The following ARGLU1 variants were observed in gnomAD, a reference collection of about 807,000 sequenced individuals.
The protein encoded by ARGLU1 is arginine and glutamate-rich protein 1.
Under a neutral mutation model 37.6 loss-of-function variants are expected in ARGLU1, and 9 were observed. The ratio of observed to expected loss-of-function variants is 0.24; its 90% CI spans 0.14 to 0.42. The LOEUF is 0.42. ARGLU1 is among the 10% of genes least tolerant of loss of function. The pLI is 1.00. For synonymous variants in ARGLU1, 166 were observed against 138.5 expected, an observed-to-expected ratio of 1.20 and a Z score of -1.39; for missense variants, 211 against 359.2, an observed-to-expected ratio of 0.59 and a Z score of 3.34.
chr13:106,551,006 A>C (rs946920489), intron 3 of ARGLU1, among the ~76,000 whole-genome samples: 9 of 152,306 alleles, frequency 5.9e-5, no homozygotes, highest in African/African-American at 1.7e-4. Context: ...CGTTCTCCAT[A>C]GATATTTCCT....
chr13:106,545,541 ACTT>A (rs2138962598), intron 3 of ARGLU1, among the ~76,000 whole-genome samples: 1 of 152,272 alleles, frequency 6.6e-6, no homozygotes, highest in African/African-American at 2.4e-5. Flanking sequence ...CACACTAATT[ACTT>A]CTTTTGTCTC....
intron 3 of ARGLU1, among the ~76,000 whole-genome samples, chr13:106,552,974 G>A (rs1396314432): frequency 6.6e-6 from 1 of 152,178 alleles, no homozygotes; most frequent in Non-Finnish European, 1.5e-5. Context: ...ACATATGGAT[G>A]AGCTCGTGTG....
Position 106,567,988 on chromosome 13 carries a change from T to C in ARGLU1, c.-69A>G. The C allele has an allele frequency of 6.6e-7, 1 of 1,517,416 alleles. No individual in the cohort carries two copies. 94.0% of individuals were successfully genotyped at this position (1,517,416 alleles called of 1,614,324 possible). On this transcript the variant is annotated 5_prime_UTR_variant, in exon 1 of 4. Coordinates refer to ENST00000400198, the MANE Select transcript of ARGLU1 (RefSeq NM_018011.4). This position sits in a 1 kb window ranked among gnomAD's most constrained non-coding sequence, Gnocchi z 4.3. ...CGGCCAGTTCCCCTCGCCTCCGCCT[T>C]CGGACGCGGGCTGGCGGTTCTACCG...
At chr13:106,562,950 C>G (rs946605295) in intron 1 of ARGLU1, among the ~76,000 whole-genome samples, 2 of 141,768 alleles carry the variant, frequency 1.4e-5, no homozygotes, top group East Asian at 2.1e-4. Context: ...GCCACTGCAC[C>G]ACTGCACTCC....
At chr13:106,561,281 ATGT>A (rs1313511532) in intron 1 of ARGLU1, among the ~76,000 whole-genome samples, 1 of 152,196 alleles carries the variant, frequency 6.6e-6, no homozygotes, top group Non-Finnish European at 1.5e-5. Context: ...TCCATATAAA[ATGT>A]TGTTTCTCTA....
intron 2 of ARGLU1, chr13:106,558,760 AG>A: frequency 1.0e-6 from 1 of 985,380 alleles, no homozygotes. Context: ...AACTCTCTAG[AG>A]AAAAAAAGGA....
chr13:106,563,660 G>GAATA (rs1378844996), intron 1 of ARGLU1, among the ~76,000 whole-genome samples: 1 of 152,064 alleles, frequency 6.6e-6, no homozygotes, highest in Non-Finnish European at 1.5e-5. Context: ...ATAAATAAAT[G>GAATA]AATACATATT....
In ARGLU1 at chr13:106,567,914, G is replaced by T. The variant is rs752370349; in HGVS notation, c.6C>A (p.Gly2=). The T allele has an allele frequency of 6.2e-7, 1 of 1,607,198 alleles. No individual in the cohort carries two copies. ...GGGACGAGCTCCGGCTCCGAGACCGGCCCATCCTTCCGGGAGACGCTCTAA... is the reference window on the plus strand; with the variant it reads ...GGGACGAGCTCCGGCTCCGAGACCGTCCCATCCTTCCGGGAGACGCTCTAA... The part of the protein sequence containing the change: M[G]RSRSRSSSRS... The change falls in exon 1 of 4, where the codon GGC becomes GGA. Residue 2 remains glycine, a synonymous_variant. Transcript: ENST00000400198. This position sits in a 1 kb window ranked among gnomAD's most constrained non-coding sequence, Gnocchi z 4.3.
chr13:106,557,166 C>T lies in ARGLU1; in HGVS notation c.574-35G>A, dbSNP rs1415268669. ...AGGATATGTTAAGATATTAGAAAAACAAAATGTTTATTTTTATTGATAAAT... is the reference window on the plus strand; with the variant it reads ...AGGATATGTTAAGATATTAGAAAAATAAAATGTTTATTTTTATTGATAAAT... On this transcript the variant is annotated intron_variant, in intron 2 of 3. Coordinates refer to ENST00000400198, the MANE Select transcript of ARGLU1 (RefSeq NM_018011.4). This position sits in a 1 kb window ranked among gnomAD's most constrained non-coding sequence, Gnocchi z 5.0. 6.5e-7 allele frequency: 1 copy of T among 1,527,712 alleles called. No homozygotes were observed. The highest frequency in any genetic ancestry group is 9.0e-7 in the Non-Finnish European group (1 of 1,105,266). 94.6% of individuals were successfully genotyped at this position (1,527,712 alleles called of 1,614,324 possible).
intron 3 of ARGLU1, among the ~76,000 whole-genome samples, chr13:106,552,408 A>T (rs926350971): frequency 2.6e-5 from 4 of 151,536 alleles, no homozygotes; most frequent in African/African-American, 9.7e-5. Context: ...AGAAATTATC[A>T]ATCTATCAAT....
chr13:106,553,465 T>C (rs1380918735), intron 3 of ARGLU1, among the ~76,000 whole-genome samples: 1 of 152,210 alleles, frequency 6.6e-6, no homozygotes, highest in Non-Finnish European at 1.5e-5. Flanking sequence ...GATAAATTCT[T>C]AGACACAGAA....
chr13:106,560,068 T>C (rs111491078), intron 1 of ARGLU1, among the ~76,000 whole-genome samples: 148 of 152,328 alleles, frequency 9.7e-4, no homozygotes, highest in Admixed American at 2.0e-3. Flanking sequence ...AGAAATTATG[T>C]AGCAGGCAAC....
Position 106,543,772 on chromosome 13 carries a change from C to T in ARGLU1, c.*224G>A, listed in dbSNP as rs1455469477. On this transcript the variant is annotated 3_prime_UTR_variant, in exon 4 of 4. Coordinates refer to ENST00000400198, the MANE Select transcript of ARGLU1 (RefSeq NM_018011.4). ...ATAGAATCCAAACAGGTGAAAAATA[C>T]GTCACTCCTTAGAATACAACAATGA... The T allele has an allele frequency of 4.3e-5, 18 of 414,932 alleles. No individual in the cohort carries two copies. Among genetic ancestry groups the T allele is most frequent in the Non-Finnish European group, 5.4e-5 (13 of 242,442 alleles). 25.7% of individuals were successfully genotyped at this position (414,932 alleles called of 1,614,324 possible).
intron 1 of ARGLU1, among the ~76,000 whole-genome samples, chr13:106,560,018 T>C (rs913122906): frequency 6.6e-6 from 1 of 152,210 alleles, no homozygotes; most frequent in Non-Finnish European, 1.5e-5. Flanking sequence ...GATTTGCTCA[T>C]TTGCCAATCA....
At chr13:106,553,405 TGA>T (rs1245858679) in intron 3 of ARGLU1, among the ~76,000 whole-genome samples, 2 of 152,236 alleles carry the variant, frequency 1.3e-5, no homozygotes, top group African/African-American at 4.8e-5. Context: ...TTAAATAATT[TGA>T]GAGTATCTTT....
rs1031187283 is a variant in ARGLU1 at position 106,557,236 on chromosome 13, T to C, written c.574-105A>G. ...AACTTTTTTGATATGACTTACAGGGTAGCTTTATAGCTACCTTCTGTCTGA... is the reference window on the plus strand; with the variant it reads ...AACTTTTTTGATATGACTTACAGGGCAGCTTTATAGCTACCTTCTGTCTGA... On this transcript the variant is annotated intron_variant, in intron 2 of 3. Coordinates refer to ENST00000400198, the MANE Select transcript of ARGLU1 (RefSeq NM_018011.4). The surrounding 1 kb of genome is among the most constrained non-coding windows in gnomAD (Gnocchi z 5.0). 7.5e-6 allele frequency: 7 copies of C among 936,092 alleles called. No individual in the cohort carries two copies. The highest frequency in any genetic ancestry group is 1.1e-5 in the Non-Finnish European group (7 of 615,216). The allele number at this position is 936,092 out of a possible 1,614,324, so 58.0% of individuals were successfully genotyped here. A position where few individuals can be genotyped will look rare whatever the true frequency, so the allele number is the denominator to read the frequency against.
chr13:106,542,114 T>A lies in ARGLU1; in HGVS notation c.*1882A>T, dbSNP rs1485699339. 6 of 152,060 alleles carry A rather than the reference T, an allele frequency of 3.9e-5. No homozygotes were observed. Among genetic ancestry groups the A allele is most frequent in the Admixed American group, 2.6e-4 (4 of 15,268 alleles). The allele number at this position is 152,060 out of a possible 1,614,324, so 9.4% of individuals were successfully genotyped here. A position where few individuals can be genotyped will look rare whatever the true frequency, so the allele number is the denominator to read the frequency against. On this transcript the variant is annotated 3_prime_UTR_variant, in exon 4 of 4. Coordinates refer to ENST00000400198, the MANE Select transcript of ARGLU1 (RefSeq NM_018011.4). The stretch of plus-strand genomic sequence containing the variant: ...ACTTACTGTCACTTCACACCATATG[T>A]GGCAGTAAGAAACTTAAAAAAAAAA...
In ARGLU1 at chr13:106,542,058, G is replaced by A. The variant is rs564549584; in HGVS notation, c.*1938C>T. On this transcript the variant is annotated 3_prime_UTR_variant, in exon 4 of 4. Transcript: ENST00000400198. The stretch of plus-strand genomic sequence containing the variant: ...CAACATCTCACTGGAGTCTCCAAAA[G>A]CAAGCAGATACTGCAGGATGTCATT... 7.9e-5 allele frequency: 12 copies of A among 152,092 alleles called. No homozygotes were observed. The East Asian group carries it at 1.4e-3, about 17-fold the overall frequency. The allele number at this position is 152,092 out of a possible 1,614,324, so 9.4% of individuals were successfully genotyped here. A position where few individuals can be genotyped will look rare whatever the true frequency, so the allele number is the denominator to read the frequency against.
At position 106,557,949 on chromosome 13, in the gene ARGLU1, G is replaced by T; in HGVS notation, c.574-818C>A. 1.0e-6 allele frequency: 1 copy of T among 985,432 alleles called. No individual in the cohort carries two copies. Among genetic ancestry groups the T allele is most frequent in the Non-Finnish European group, 1.2e-6 (1 of 829,930 alleles). The allele number at this position is 985,432 out of a possible 1,614,324, so 61.0% of individuals were successfully genotyped here. On this transcript the variant is annotated intron_variant, in intron 2 of 3. Transcript: ENST00000400198. This position sits in a 1 kb window ranked among gnomAD's most constrained non-coding sequence, Gnocchi z 5.0. ...ACTGAAACTCAGAAATCCAGGGGAT[G>T]CATGGTCAGGAAATAAAATTCTTCA...
Sources: gnomAD v4.1 joint callset for allele counts (sites outside exome capture counted in the v4.1 genomes callset) on GRCh38, gnomAD v4.1.1 for gene constraint, Gnocchi (gnomAD v3.1) non-coding constraint, MANE v1.5 for transcripts, NCBI Gene and HGNC (gene_info 2026-07-23, HGNC 2026-07-21) for gene names.